Variants in ATRNL1 observed in about 807,000 individuals in gnomAD.
The protein encoded by ATRNL1 is attractin like 1.
Under a neutral mutation model 182.7 loss-of-function variants are expected in ATRNL1, and 95 were observed. The observed-to-expected ratio is 0.52, with a 90% confidence interval of 0.44 to 0.62. ATRNL1 has a LOEUF of 0.62. Among genes scored for constraint, ATRNL1 ranks in the 20% least tolerant of loss-of-function variants. The probability of loss-of-function intolerance (pLI) is 0.00; values close to 1 mark genes in which losing one functional copy is unlikely to be tolerated. For missense variants in ATRNL1, 1,471 were observed against 1,679.5 expected (o/e 0.88, Z 2.17); for synonymous variants, 576 against 568.3 (o/e 1.01, Z -0.19).
chr10:115,566,619 G>A (rs1010878576), intron 26 of ATRNL1, among the ~76,000 whole-genome samples: 1 of 152,088 alleles, frequency 6.6e-6, no homozygotes, highest in South Asian at 2.1e-4. Context: ...TCTGAGTGGA[G>A]TATGTAAGAA....
chr10:115,112,991 T>G (rs1844323638), intron 1 of ATRNL1, among the ~76,000 whole-genome samples: 1 of 152,202 alleles, frequency 6.6e-6, no homozygotes, highest in Non-Finnish European at 1.5e-5. Context: ...GATCAAGATC[T>G]TGAAGTATTT....
Position 115,369,446 on chromosome 10 carries a change from G to C in ATRNL1, c.3176-25213G>C, listed in dbSNP as rs1043510759. Among the ~76,000 whole-genome samples the C allele has an allele frequency of 4.6e-5, 7 of 152,060 alleles. No homozygotes were observed. In the East Asian group the frequency reaches 1.2e-3, roughly 25 times the overall value. Reference sequence around the variant, plus strand: ...TGAGAGGATGAGGCTTGAATGAGTTGATCACTTTTGTGTAGTATTCATCCA... The same window carrying C: ...TGAGAGGATGAGGCTTGAATGAGTTCATCACTTTTGTGTAGTATTCATCCA... On this transcript the variant is annotated intron_variant, in intron 19 of 28. Coordinates refer to ENST00000355044, the MANE Select transcript of ATRNL1 (RefSeq NM_207303.4).
intron 21 of ATRNL1, among the ~76,000 whole-genome samples, chr10:115,453,749 A>G (rs1847386732): frequency 1.4e-5 from 2 of 142,594 alleles, no homozygotes; most frequent in South Asian, 4.9e-4. Flanking sequence ...TTGAACAATG[A>G]GAACACATGG....
intron 26 of ATRNL1, among the ~76,000 whole-genome samples, chr10:115,701,048 T>C (rs782031793): frequency 6.6e-6 from 1 of 152,064 alleles, no homozygotes; most frequent in Non-Finnish European, 1.5e-5. Context: ...ATCAACCCCA[T>C]GCTTGGTCAT....
intron 20 of ATRNL1, among the ~76,000 whole-genome samples, chr10:115,408,039 C>G (rs553019060): frequency 6.9e-6 from 1 of 144,150 alleles, no homozygotes; most frequent in Admixed American, 7.0e-5. Flanking sequence ...CTCTGTCGCC[C>G]AGGCCGGACT....
intron 23 of ATRNL1, among the ~76,000 whole-genome samples, chr10:115,468,911 G>C (rs1342552507): frequency 2.0e-5 from 3 of 150,402 alleles, no homozygotes; most frequent in East Asian, 3.9e-4. Context: ...GGATATTATT[G>C]GTTTTAAAAA....
chr10:115,563,314 C>T lies in ATRNL1; in HGVS notation c.3795+13778C>T, dbSNP rs74830915. 1.8e-4 allele frequency among the ~76,000 whole-genome samples: 27 copies of T among 152,240 alleles called. No homozygotes were observed. The East Asian group carries it at 5.2e-3, about 29-fold the overall frequency. ...GCAGGTGATAATGCTACCTGCATTCCATATTAACTTCATTCATCATTCTGT... is the reference window on the plus strand; with the variant it reads ...GCAGGTGATAATGCTACCTGCATTCTATATTAACTTCATTCATCATTCTGT... On this transcript the variant is annotated intron_variant, in intron 26 of 28. Transcript: ENST00000355044.
chr10:115,309,650 A>G (rs1309794116), intron 17 of ATRNL1, among the ~76,000 whole-genome samples: 5 of 152,104 alleles, frequency 3.3e-5, no homozygotes, highest in African/African-American at 1.2e-4. Context: ...GAATTGATTT[A>G]TCAAATCTAG....
chr10:115,453,902 C>T (rs1472373743), intron 21 of ATRNL1, among the ~76,000 whole-genome samples: 1 of 151,434 alleles, frequency 6.6e-6, no homozygotes, highest in African/African-American at 2.4e-5. Context: ...ACATATGTAA[C>T]TAACCTGCAC....
At chr10:115,735,492 A>G (rs1166937888) in intron 27 of ATRNL1, among the ~76,000 whole-genome samples, 1 of 152,176 alleles carries the variant, frequency 6.6e-6, no homozygotes, top group Non-Finnish European at 1.5e-5. Context: ...CCAAACCGAG[A>G]TATACATACC....
intron 8 of ATRNL1, among the ~76,000 whole-genome samples, chr10:115,184,663 T>C (rs1484657033): frequency 6.6e-6 from 1 of 151,764 alleles, no homozygotes; most frequent in Non-Finnish European, 1.5e-5. Flanking sequence ...AAAAAAATAG[T>C]CTTGACTTAG....
intron 28 of ATRNL1, among the ~76,000 whole-genome samples, chr10:115,941,752 C>G (rs1311225114): frequency 6.6e-6 from 1 of 152,186 alleles, no homozygotes; most frequent in Non-Finnish European, 1.5e-5. Flanking sequence ...AACTTACAGT[C>G]AGCTTGAACT....
Position 115,481,905 on chromosome 10 carries a change from A to G in ATRNL1, c.3654+12576A>G, listed in dbSNP as rs1167549213. On this transcript the variant is annotated intron_variant, in intron 24 of 28. Coordinates refer to ENST00000355044, the MANE Select transcript of ATRNL1 (RefSeq NM_207303.4). ...CTCTTGGGGTTTGTTAAGAACTTCT[A>G]CTTCAGAAATTGTTTAAAAAATGAC... Among the ~76,000 whole-genome samples, 7 of 150,902 alleles carry G rather than the reference A, an allele frequency of 4.6e-5. 1 individual carries two copies. The highest frequency in any genetic ancestry group is 1.0e-4 in the Non-Finnish European group (7 of 67,156).
intron 19 of ATRNL1, among the ~76,000 whole-genome samples, chr10:115,335,852 AT>A (rs112105458): frequency 0.1 from 15,405 of 152,064 alleles, 1,005 homozygotes; most frequent in East Asian, 0.26. Context: ...TTTTCTGAAT[AT>A]TTTTGATCTG....
At position 115,171,383 on chromosome 10, in the gene ATRNL1, G is replaced by A. The variant is rs782413248; in HGVS notation, c.1348+91G>A. ...CATATGAATTTAGTCAAAATGGTGA[G>A]TTATTTGAGATTGAAATTATAAGCT... is the stretch of plus-strand genomic sequence containing the variant. On this transcript the variant is annotated intron_variant, in intron 8 of 28. Coordinates refer to ENST00000355044, the MANE Select transcript of ATRNL1 (RefSeq NM_207303.4). 1.0e-5 allele frequency: 12 copies of A among 1,170,864 alleles called. No individual in the cohort carries two copies. The East Asian group carries it at 1.0e-4, about 10-fold the overall frequency. The allele number at this position is 1,170,864 out of a possible 1,614,324, so 72.5% of individuals were successfully genotyped here.
chr10:115,268,651 T>C (rs969721005), intron 13 of ATRNL1, among the ~76,000 whole-genome samples: 1 of 152,224 alleles, frequency 6.6e-6, no homozygotes, highest in Admixed American at 6.5e-5. Context: ...CCATTTTGGA[T>C]CCATCAACTT....
chr10:115,481,010 T>C (rs1413021579), intron 24 of ATRNL1, among the ~76,000 whole-genome samples: 4 of 150,994 alleles, frequency 2.6e-5, no homozygotes, highest in Non-Finnish European at 6.0e-5. Flanking sequence ...CATTTCTTTA[T>C]ATTATAAATT....
At chr10:115,718,831 A>C (rs1947332393) in intron 26 of ATRNL1, among the ~76,000 whole-genome samples, 1 of 152,210 alleles carries the variant, frequency 6.6e-6, no homozygotes, top group African/African-American at 2.4e-5. Context: ...CCAATAGCAG[A>C]CTATACTATC....
intron 26 of ATRNL1, among the ~76,000 whole-genome samples, chr10:115,559,619 T>C (rs541110425): frequency 6.6e-6 from 1 of 152,292 alleles, no homozygotes; most frequent in South Asian, 2.1e-4. Context: ...CTAAATACCA[T>C]TCACCAATAA....
Sources: gnomAD v4.1 joint callset for allele counts (sites outside exome capture counted in the v4.1 genomes callset) on GRCh38, gnomAD v4.1.1 for gene constraint, MANE v1.5 for transcripts, NCBI Gene and HGNC (gene_info 2026-07-23, HGNC 2026-07-21) for gene names.